Variants in MFN1 observed in about 807,000 individuals in gnomAD.
MFN1 encodes mitofusin 1, also known as mitofusin-1.
Under a neutral mutation model 92.4 loss-of-function variants are expected in MFN1, and 65 were observed. The observed-to-expected ratio is 0.70, with a 90% CI of 0.58 to 0.86. The LOEUF (loss-of-function observed/expected upper bound fraction) is 0.86. Among genes scored for constraint, MFN1 ranks in the 40% least tolerant of loss-of-function variants. MFN1 has a pLI of 0.00. For synonymous variants in MFN1, 297 were observed against 300.9 expected (o/e 0.99, Z 0.13); for missense variants, 781 against 868.0 (o/e 0.90, Z 1.26).
At chr3:179,354,437 T>C (rs1256379482) in intron 3 of MFN1, among the ~76,000 whole-genome samples, 1 of 152,152 alleles carries the variant, frequency 6.6e-6, no homozygotes, top group Non-Finnish European at 1.5e-5. Context: ...CTGAGAGGAT[T>C]GGATGTTACA....
At chr3:179,383,262 G>T (rs1713542742) in intron 14 of MFN1, among the ~76,000 whole-genome samples, 2 of 152,186 alleles carry the variant, frequency 1.3e-5, no homozygotes, top group South Asian at 4.1e-4. Flanking sequence ...GTAAGGAAGG[G>T]ATCCAGTTTC....
intron 12 of MFN1, among the ~76,000 whole-genome samples, chr3:179,377,812 C>G (rs942575889): frequency 6.6e-5 from 10 of 152,176 alleles, no homozygotes; most frequent in African/African-American, 2.4e-4. Flanking sequence ...CGCCTTTAAT[C>G]CCAGCACTTT....
At chr3:179,367,914 ACT>A (rs1234126898) in intron 8 of MFN1, 120 bp from the exon 9 acceptor site, 3 of 482,640 alleles carry the variant, frequency 6.2e-6, no homozygotes, top group East Asian at 7.3e-5. Context: ...ACAGAGCAAG[ACT>A]CTGTCTCGGG....
At chr3:179,353,933 TGACC>T (rs1712252705) in intron 3 of MFN1, among the ~76,000 whole-genome samples, 1 of 152,274 alleles carries the variant, frequency 6.6e-6, no homozygotes, top group Non-Finnish European at 1.5e-5. Context: ...ACACCTTCTC[TGACC>T]ACCCTATCTA....
chr3:179,376,272 C>T (rs1053095404), intron 10 of MFN1, among the ~76,000 whole-genome samples: 1 of 152,184 alleles, frequency 6.6e-6, no homozygotes, highest in African/African-American at 2.4e-5. Flanking sequence ...TCCGTGTGGC[C>T]TCTGTTTAAT....
At chr3:179,365,857 G>T (rs989105157) in intron 7 of MFN1, among the ~76,000 whole-genome samples, 14 of 152,190 alleles carry the variant, frequency 9.2e-5, no homozygotes, top group Non-Finnish European at 2.9e-5. Context: ...TAGTTGTATT[G>T]CATTCCCATT....
chr3:179,388,533 G>A (rs1713784212), intron 16 of MFN1, among the ~76,000 whole-genome samples: 2 of 152,196 alleles, frequency 1.3e-5, no homozygotes, highest in South Asian at 4.1e-4. Flanking sequence ...ATGCCTCTGA[G>A]AGCAGAATTT....
chr3:179,361,982 A>C (rs1712597792), intron 4 of MFN1, among the ~76,000 whole-genome samples: 1 of 152,220 alleles, frequency 6.6e-6, no homozygotes, highest in African/African-American at 2.4e-5. Flanking sequence ...AAAGCTATGT[A>C]ATTTTAACCT....
chr3:179,364,032 C>A (rs1452046132), intron 5 of MFN1, among the ~76,000 whole-genome samples: 1 of 152,022 alleles, frequency 6.6e-6, no homozygotes, highest in African/African-American at 2.4e-5. Flanking sequence ...CTGGATATAG[C>A]TGCTTGAACC....
At chr3:179,376,760 T>A (rs998223042) in intron 10 of MFN1, among the ~76,000 whole-genome samples, 1 of 152,234 alleles carries the variant, frequency 6.6e-6, no homozygotes, top group South Asian at 2.1e-4. Flanking sequence ...AAAGTCAGTA[T>A]TGCATTCTGT....
intron 14 of MFN1, among the ~76,000 whole-genome samples, chr3:179,384,860 CTGTG>C (rs749177624): frequency 6.8e-6 from 1 of 147,230 alleles, no homozygotes; most frequent in Non-Finnish European, 1.5e-5. Flanking sequence ...TTGCCTGTGG[CTGTG>C]TGTTTTGAAG....
At chr3:179,390,557 T>C (rs753728838) in intron 17 of MFN1, among the ~76,000 whole-genome samples, 3 of 152,202 alleles carry the variant, frequency 2.0e-5, no homozygotes, top group Non-Finnish European at 2.9e-5. Context: ...AAAAGTAAGA[T>C]GTCCTGATAA....
intron 14 of MFN1, 43 bp downstream of exon 14, chr3:179,378,857 TTTTG>T (rs1205093916): frequency 1.3e-5 from 19 of 1,434,454 alleles, no homozygotes; most frequent in East Asian, 2.3e-5. Flanking sequence ...TCCTTTATTA[TTTTG>T]TTTATGTGGT....
chr3:179,361,303 T>A (rs1712566842), intron 4 of MFN1, among the ~76,000 whole-genome samples: 1 of 152,178 alleles, frequency 6.6e-6, no homozygotes, highest in Non-Finnish European at 1.5e-5. Context: ...CTCTTCACAC[T>A]CTTTTCCTCC....
intron 14 of MFN1, among the ~76,000 whole-genome samples, chr3:179,380,185 T>C (rs958987853): frequency 1.3e-5 from 2 of 152,226 alleles, no homozygotes; most frequent in African/African-American, 2.4e-5. Context: ...AATTCATTGA[T>C]GAATTTGCCA....
intron 3 of MFN1, among the ~76,000 whole-genome samples, chr3:179,357,717 C>G (rs1712398786): frequency 6.6e-6 from 1 of 152,098 alleles, no homozygotes; most frequent in Non-Finnish European, 1.5e-5. Flanking sequence ...TGTCCTTTTT[C>G]CTATGACTGC....
chr3:179,387,658 A>C (rs868303069), intron 16 of MFN1, among the ~76,000 whole-genome samples: 23 of 129,930 alleles, frequency 1.8e-4, no homozygotes, highest in African/African-American at 7.1e-4. Flanking sequence ...CAATGGCACA[A>C]TCTCGGCTCA....
chr3:179,369,952 A>AT (rs1712956775), intron 9 of MFN1, among the ~76,000 whole-genome samples: 1 of 152,180 alleles, frequency 6.6e-6, no homozygotes, highest in Non-Finnish European at 1.5e-5. Context: ...GAGTTTGAAA[A>AT]TTTTAAGTCT....
intron 3 of MFN1, among the ~76,000 whole-genome samples, chr3:179,352,768 CT>C (rs1242638025): frequency 2.6e-5 from 4 of 151,636 alleles, no homozygotes; most frequent in Middle Eastern, 3.4e-3. Context: ...TTTTTTCCCC[CT>C]GAGAGGGAGT....
Sources: gnomAD v4.1 joint callset for allele counts (sites outside exome capture counted in the v4.1 genomes callset) on GRCh38, gnomAD v4.1.1 for gene constraint, MANE v1.5 for transcripts, NCBI Gene and HGNC (gene_info 2026-07-23, HGNC 2026-07-21) for gene names.